ICE1: variants seen among roughly 807,000 people sequenced by gnomAD.
ICE1 encodes little elongation complex subunit 1.
In ICE1, 64 loss-of-function variants were observed where a neutral mutation model predicts 192.7. That is an observed-to-expected ratio of 0.33 (90% CI 0.27 to 0.41). The LOEUF is 0.41. Ranked by LOEUF, ICE1 falls within the 10% of genes least tolerant of loss-of-function variation. The pLI, the probability that ICE1 is intolerant of heterozygous loss-of-function variation, is 1.00. For synonymous variants in ICE1, 1,010 were observed against 984.5 expected, an observed-to-expected ratio of 1.03 and a Z score of -0.49; for missense variants, 2,708 against 2,696.0, an observed-to-expected ratio of 1.00 and a Z score of -0.10.
chr5:5,481,943 C>A (rs1739515638), intron 17 of ICE1, among the ~76,000 whole-genome samples: 1 of 152,150 alleles, frequency 6.6e-6, no homozygotes, highest in Admixed American at 6.5e-5. Flanking sequence ...GATGTTTGTC[C>A]AAGGACAGAA....
chr5:5,457,920 A>G (rs1407648533), intron 12 of ICE1, among the ~76,000 whole-genome samples, 179 bp downstream of exon 12: 1 of 152,234 alleles, frequency 6.6e-6, no homozygotes, highest in Non-Finnish European at 1.5e-5. Context: ...ATCAACATAT[A>G]TAATATGTAC....
chr5:5,441,396 C>A (rs1738049938), intron 5 of ICE1, among the ~76,000 whole-genome samples, 173 bp downstream of exon 5: 1 of 152,186 alleles, frequency 6.6e-6, no homozygotes, highest in Non-Finnish European at 1.5e-5. Flanking sequence ...GTAGCTTAGT[C>A]TTTACAGTGA....
At position 5,461,502 on chromosome 5, in the gene ICE1, T is replaced by C; in HGVS notation, c.2168T>C (p.Ile723Thr). ...SNFNDQKSSG[I>T]EYTKVVKGLT... is the part of the protein sequence containing the mutation. ...TTTAATGATCAGAAGAGCAGTGGGA[T>C]AGAATATACAAAAGTAGTAAAAGGC... is the stretch of plus-strand genomic sequence containing the variant. The change falls in exon 13 of 19, where the codon ATA becomes ACA. Residue 723 changes from isoleucine (I) to threonine (T), a missense_variant. Ile to Thr is a moderately conservative substitution (Grantham distance 89). Transcript: ENST00000296564. 6.2e-7 allele frequency: 1 copy of C among 1,613,706 alleles called. No homozygotes were observed.
chr5:5,459,861 G>A (rs574731620), intron 12 of ICE1, among the ~76,000 whole-genome samples: 1 of 152,278 alleles, frequency 6.6e-6, no homozygotes, highest in Admixed American at 6.5e-5. Flanking sequence ...GCTGGAGAAC[G>A]GGCTGGGAGG....
rs1561097231 is a variant in ICE1, at chr5:5,473,838, TTAAG to T, written c.6413+92_6413+95del. 6.3e-6 allele frequency: 6 copies of T among 945,252 alleles called. No individual in the cohort carries two copies. The African/African-American group carries it at 8.5e-5, about 13-fold the overall frequency. The allele number at this position is 945,252 out of a possible 1,614,324, so 58.6% of individuals were successfully genotyped here. ...TTGTGGCTTGAATCATTTTTGTCGT[TTAAG>T]TGTGTAAGGCAGATGAAACATTTAC... On this transcript the variant is annotated intron_variant, in intron 16 of 18. Coordinates refer to ENST00000296564, the MANE Select transcript of ICE1 (RefSeq NM_015325.3).
intron 17 of ICE1, 42 bp from the exon 18 acceptor site, chr5:5,486,679 A>G (rs1739646491): frequency 2.3e-6 from 3 of 1,320,482 alleles, no homozygotes; most frequent in Admixed American, 2.0e-5. Context: ...AAGTTAATCA[A>G]CATTTAACTG....
At chr5:5,479,664 A>G (rs1007656076) in intron 17 of ICE1, among the ~76,000 whole-genome samples, 2 of 152,194 alleles carry the variant, frequency 1.3e-5, no homozygotes, top group African/African-American at 2.4e-5. Context: ...TTGCAGCACT[A>G]TTTACAATAG....
At chr5:5,443,306 A>G in intron 6 of ICE1, 62 bp downstream of exon 6, 1 of 914,446 alleles carries the variant, frequency 1.1e-6, no homozygotes, top group Non-Finnish European at 1.6e-6. Context: ...CGTAATTCTT[A>G]AGTCGGTAGT....
rs534875268 is a variant in ICE1 at position 5,441,595 on chromosome 5, T to A, written c.309+372T>A. Among the ~76,000 whole-genome samples, 3 of 152,362 alleles carry A rather than the reference T, an allele frequency of 2.0e-5. No individual in the cohort carries two copies. The South Asian group carries it at 6.2e-4, about 32-fold the overall frequency. On this transcript the variant is annotated intron_variant, in intron 5 of 18. Transcript: ENST00000296564. ...TTAAATGTAGAGGAATCGTTGTACA[T>A]AAGAGAGAGGGAGCAGGAGAGAATT...
Position 5,490,147 on chromosome 5 carries a change from A to G in ICE1, c.*817A>G, listed in dbSNP as rs924188651. The G allele has an allele frequency of 1.3e-5, 2 of 152,174 alleles. No individual in the cohort carries two copies. Among genetic ancestry groups the G allele is most frequent in the Non-Finnish European group, 2.9e-5 (2 of 68,022 alleles). The allele number at this position is 152,174 out of a possible 1,614,324, so 9.4% of individuals were successfully genotyped here. On this transcript the variant is annotated 3_prime_UTR_variant, in exon 19 of 19. Coordinates refer to ENST00000296564, the MANE Select transcript of ICE1 (RefSeq NM_015325.3). Reference sequence around the variant, plus strand: ...GGTTTAATAACTCACCATGGTTTTGATTTGTCTTATATTCGTTATTTCTTA... The same window carrying G: ...GGTTTAATAACTCACCATGGTTTTGGTTTGTCTTATATTCGTTATTTCTTA...
chr5:5,461,387 C>T lies in ICE1; in HGVS notation c.2053C>T (p.Leu685=). The T allele has an allele frequency of 6.2e-7, 1 of 1,613,936 alleles. No homozygotes were observed. Among genetic ancestry groups the T allele is most frequent in the Non-Finnish European group, 8.5e-7 (1 of 1,179,872 alleles). ...AACTAAAACTTTAAACACATTACAT[C>T]TGCAGTCTGAGCCACCGGAGTGTTC... ...LQTKTLNTLH[L]QSEPPECSIG... Residue 685 remains leucine, a synonymous_variant, in exon 13 of 19, where the codon CTG becomes TTG. Coordinates refer to ENST00000296564, the MANE Select transcript of ICE1 (RefSeq NM_015325.3).
intron 1 of ICE1, among the ~76,000 whole-genome samples, chr5:5,435,738 C>T (rs1197543112): frequency 1.4e-4 from 20 of 139,434 alleles, no homozygotes; most frequent in African/African-American, 4.2e-4. Flanking sequence ...GGCACGATCT[C>T]GGCTCACTGC....
Position 5,463,808 on chromosome 5 carries a change from C to T in ICE1, c.4474C>T (p.Pro1492Ser), listed in dbSNP as rs750861429. 6.2e-7 allele frequency: 1 copy of T among 1,614,000 alleles called. No homozygotes were observed. The highest frequency in any genetic ancestry group is 1.1e-5 in the South Asian group (1 of 91,078). ...EAPCGNNLSC[P>S]QEDVSSSGQS... is the part of the protein sequence containing the mutation. ...TCCATGTGGCAATAATCTTTCATGTCCCCAAGAGGATGTTTCAAGCAGTGG... is the reference window on the plus strand; with the variant it reads ...TCCATGTGGCAATAATCTTTCATGTTCCCAAGAGGATGTTTCAAGCAGTGG... Residue 1492 changes from proline to serine, a missense_variant, in exon 13 of 19, where the codon CCC becomes TCC. Transcript: ENST00000296564.
At chr5:5,429,654 C>A (rs928386391) in intron 1 of ICE1, among the ~76,000 whole-genome samples, 1 of 152,168 alleles carries the variant, frequency 6.6e-6, no homozygotes, top group African/African-American at 2.4e-5. Flanking sequence ...ATACTTACTA[C>A]CTTAGCATAA....
At chr5:5,448,233 C>G (rs994891286) in intron 10 of ICE1, among the ~76,000 whole-genome samples, 2 of 151,644 alleles carry the variant, frequency 1.3e-5, no homozygotes, top group South Asian at 4.2e-4. Context: ...TCCTGGGTAC[C>G]AAGTATATAA....
chr5:5,465,905 G>C (rs1348000493), intron 13 of ICE1, among the ~76,000 whole-genome samples: 2 of 152,134 alleles, frequency 1.3e-5, no homozygotes, highest in Non-Finnish European at 1.5e-5. Context: ...ATGTTACTTA[G>C]TATTTTAAAT....
chr5:5,461,620 A>G lies in ICE1; in HGVS notation c.2286A>G (p.Thr762=), dbSNP rs1738782761. ...GTCAAGATCCAAGAATTGAGCTCAC[A>G]CTAAATAAGCCAGATTTCACATCAT... ...CESQDPRIEL[T]LNKPDFTSLI... is the part of the protein sequence containing the mutation. The change falls in exon 13 of 19, where the codon ACA becomes ACG. Residue 762 remains threonine (T), a synonymous_variant. Coordinates refer to ENST00000296564, the MANE Select transcript of ICE1 (RefSeq NM_015325.3). 1 of 1,613,530 alleles carries G rather than the reference A, an allele frequency of 6.2e-7. No homozygotes were observed. Among genetic ancestry groups the G allele is most frequent in the Non-Finnish European group, 8.5e-7 (1 of 1,179,688 alleles).
rs368613345 is a variant in ICE1 at position 5,463,995 on chromosome 5, A to G, written c.4661A>G (p.Asn1554Ser). 8.7e-6 allele frequency: 14 copies of G among 1,613,828 alleles called. No homozygotes were observed. In the African/African-American group the frequency reaches 1.5e-4, roughly 17 times the overall value. Residue 1554 changes from asparagine to serine, a missense_variant, in exon 13 of 19, where the codon AAT (asparagine) becomes AGT (serine). Physicochemically the swap from Asn to Ser is conservative, Grantham distance 46. Transcript: ENST00000296564. Reference sequence around the variant, plus strand: ...CTAGAGCCATCTGGCAAAAATAAGAATCGATCAAAGATTTCAAACAAAGAT... The same window carrying G: ...CTAGAGCCATCTGGCAAAAATAAGAGTCGATCAAAGATTTCAAACAAAGAT... ...SKLEPSGKNK[N>S]RSKISNKDQS... is the part of the protein sequence containing the mutation.
intron 1 of ICE1, among the ~76,000 whole-genome samples, chr5:5,424,601 T>A (rs1225693711): frequency 6.6e-6 from 1 of 152,254 alleles, no homozygotes; most frequent in East Asian, 1.9e-4. Flanking sequence ...AAATGAGTTA[T>A]GTTAGAGGGT....
Sources: gnomAD v4.1 joint callset for allele counts (sites outside exome capture counted in the v4.1 genomes callset) on GRCh38, gnomAD v4.1.1 for gene constraint, MANE v1.5 for transcripts, NCBI Gene and HGNC (gene_info 2026-07-23, HGNC 2026-07-21) for gene names.